Variants in PCNX2 observed in about 807,000 individuals in gnomAD.
PCNX2 encodes the protein pecanex 2.
Under a neutral mutation model 223.8 loss-of-function variants are expected in PCNX2, and 168 were observed. The observed-to-expected ratio is 0.75, with a 90% confidence interval of 0.66 to 0.85. PCNX2 has a LOEUF of 0.85. PCNX2 is among the 40% of genes least tolerant of loss of function. PCNX2 has a pLI of 0.00. For missense variants in PCNX2, 2,507 were observed against 2,675.5 expected, an observed-to-expected ratio of 0.94 and a Z score of 1.39; for synonymous variants, 1,006 against 1,052.6, an observed-to-expected ratio of 0.96 and a Z score of 0.86.
intron 21 of PCNX2, among the ~76,000 whole-genome samples, chr1:233,112,039 G>A (rs1184595890): frequency 6.6e-6 from 1 of 152,160 alleles, no homozygotes; most frequent in East Asian, 1.9e-4. Context: ...CTCCCTGGAT[G>A]TTTCAAATTT....
chr1:233,010,368 A>G (rs1670424204), intron 28 of PCNX2, among the ~76,000 whole-genome samples: 1 of 152,246 alleles, frequency 6.6e-6, no homozygotes, highest in Non-Finnish European at 1.5e-5. Flanking sequence ...TTGTCTCCCT[A>G]TCACTTTTCA....
chr1:233,118,510 A>G (rs1675561237), intron 21 of PCNX2, among the ~76,000 whole-genome samples: 1 of 151,192 alleles, frequency 6.6e-6, no homozygotes, highest in South Asian at 2.1e-4. Context: ...AAAAAAAAAA[A>G]ACCCTCCCAA....
intron 32 of PCNX2, 72 bp downstream of exon 32, chr1:232,998,179 A>G: frequency 1.4e-6 from 2 of 1,398,546 alleles, no homozygotes; most frequent in Non-Finnish European, 1.9e-6. Flanking sequence ...AAACAACATC[A>G]TAACTCAGGG....
chr1:233,025,585 T>C, intron 25 of PCNX2, 186 bp from the exon 26 acceptor site: 1 of 688,076 alleles, frequency 1.5e-6, no homozygotes, highest in South Asian at 2.0e-5. Context: ...AACTCTTTTA[T>C]TCACTCACAT....
intron 23 of PCNX2, 32 bp downstream of exon 23, chr1:233,090,029 A>G (rs1673790939): frequency 6.2e-7 from 1 of 1,612,400 alleles, no homozygotes; most frequent in Admixed American, 1.7e-5. Flanking sequence ...AAACTGGAGA[A>G]AAGCAATTGA....
chr1:233,208,396 A>G (rs1681610494), intron 13 of PCNX2, 122 bp downstream of exon 13: 3 of 1,088,078 alleles, frequency 2.8e-6, no homozygotes, highest in African/African-American at 3.2e-5. Flanking sequence ...TATGCAAGCC[A>G]AGAGGAAAGT....
At chr1:233,293,685 C>T (rs991426948) in intron 1 of PCNX2, among the ~76,000 whole-genome samples, 1 of 152,232 alleles carries the variant, frequency 6.6e-6, no homozygotes, top group Non-Finnish European at 1.5e-5. Context: ...CTATCTCTTA[C>T]TGAGCACTCT....
Position 232,986,150 on chromosome 1 carries a change from G to A in PCNX2, c.6182C>T (p.Ser2061Phe). The change falls in exon 33 of 34, where the codon TCC becomes TTC. Residue 2061 changes from serine to phenylalanine, a missense_variant. Ser to Phe is a radical substitution (Grantham distance 155, BLOSUM62 -2). Coordinates refer to ENST00000258229, the MANE Select transcript of PCNX2 (RefSeq NM_014801.4). ...EGGNTSDTQS[S>F]SSVNIVMGPS... The stretch of plus-strand genomic sequence containing the variant: ...GCCCATCACGATGTTGACGCTGCTG[G>A]ATGACTGGGTGTCACTGGTATTGCC... The A allele has an allele frequency of 6.4e-7, 1 of 1,570,688 alleles. No homozygotes were observed. The highest frequency in any genetic ancestry group is 8.6e-7 in the Non-Finnish European group (1 of 1,157,244).
chr1:233,171,506 AAC>A (rs1415505265), intron 17 of PCNX2, among the ~76,000 whole-genome samples: 2 of 152,154 alleles, frequency 1.3e-5, no homozygotes, highest in Non-Finnish European at 2.9e-5. Context: ...AAGTATATCC[AAC>A]AACTGTCTTC....
chr1:233,123,564 A>G (rs2102740776), intron 21 of PCNX2, among the ~76,000 whole-genome samples: 1 of 151,434 alleles, frequency 6.6e-6, no homozygotes, highest in Admixed American at 6.6e-5. Flanking sequence ...CCTGGGCGAC[A>G]AGAGCAAGAC....
At chr1:233,030,999 C>T (rs1671244782) in intron 25 of PCNX2, among the ~76,000 whole-genome samples, 1 of 152,140 alleles carries the variant, frequency 6.6e-6, no homozygotes, top group African/African-American at 2.4e-5. Context: ...TCAATAAGAC[C>T]ACAGTACTTT....
chr1:233,201,024 TC>T (rs1328868508), intron 13 of PCNX2, among the ~76,000 whole-genome samples: 3 of 57,378 alleles, frequency 5.2e-5, no homozygotes, highest in African/African-American at 2.2e-4. Context: ...AGACTCCGTC[TC>T]AAAAAAAAAA....
intron 8 of PCNX2, among the ~76,000 whole-genome samples, 197 bp from the exon 9 acceptor site, chr1:233,237,177 C>T (rs1305451259): frequency 1.3e-5 from 2 of 152,170 alleles, no homozygotes; most frequent in Non-Finnish European, 2.9e-5. Context: ...ACCCTGCATA[C>T]ATTGAAATTA....
chr1:233,209,595 C>T (rs1383151856), intron 12 of PCNX2, among the ~76,000 whole-genome samples: 3 of 152,170 alleles, frequency 2.0e-5, no homozygotes, highest in Admixed American at 6.5e-5. Flanking sequence ...GCCTTGAACA[C>T]GTTATATTTA....
chr1:233,201,025 CAA>C (rs760282445), intron 13 of PCNX2, among the ~76,000 whole-genome samples: 982 of 25,562 alleles, frequency 0.038, 4 homozygotes, highest in Non-Finnish European at 0.052. Flanking sequence ...GACTCCGTCT[CAA>C]AAAAAAAAAA....
chr1:233,246,923 A>G (rs576622267), intron 8 of PCNX2, among the ~76,000 whole-genome samples: 3 of 152,332 alleles, frequency 2.0e-5, no homozygotes, highest in African/African-American at 7.2e-5. Context: ...CAGATAGCCA[A>G]CCCAAAGATT....
intron 20 of PCNX2, among the ~76,000 whole-genome samples, chr1:233,137,988 T>C (rs1386047346): frequency 6.6e-6 from 1 of 152,226 alleles, no homozygotes; most frequent in East Asian, 1.9e-4. Flanking sequence ...TGGGCTTCTC[T>C]GGTTTAGAAA....
chr1:233,232,737 T>C (rs552127675), intron 9 of PCNX2: 5 of 879,908 alleles, frequency 5.7e-6, no homozygotes, highest in Admixed American at 6.2e-5. Context: ...TAAATTGTGA[T>C]GTAAATGCTA....
At position 233,199,014 on chromosome 1, in the gene PCNX2, G is replaced by C. The variant is rs769445341; in HGVS notation, c.2991C>G (p.Thr997=). The change falls in exon 15 of 34, where the codon ACC becomes ACG. Residue 997 remains threonine, a synonymous_variant. Coordinates refer to ENST00000258229, the MANE Select transcript of PCNX2 (RefSeq NM_014801.4). ...FFGGSAVSGI[T]SAVYSVARSV... Reference sequence around the variant, plus strand: ...TCCGGGCCACACTGTAAACAGCCGAGGTTATCCCAGACACAGCTGGAACAC... The same window carrying C: ...TCCGGGCCACACTGTAAACAGCCGACGTTATCCCAGACACAGCTGGAACAC... 3.1e-5 allele frequency: 49 copies of C among 1,596,324 alleles called. No homozygotes were observed. The highest frequency in any genetic ancestry group is 4.1e-5 in the Non-Finnish European group (48 of 1,171,954).
Sources: gnomAD v4.1 joint callset for allele counts (sites outside exome capture counted in the v4.1 genomes callset) on GRCh38, gnomAD v4.1.1 for gene constraint, MANE v1.5 for transcripts, NCBI Gene and HGNC (gene_info 2026-07-23, HGNC 2026-07-21) for gene names.